Variants in LOC112694756 observed in about 807,000 individuals in gnomAD.
the LOC112694756 span, chr16:30,054,540 A>C: frequency 5.9e-6 from 2 of 340,320 alleles, no homozygotes; most frequent in East Asian, 8.8e-5. Flanking sequence ...GGCATTCCAG[A>C]AGGAAAATCA....
At chr16:30,055,450 G>A in the LOC112694756 span, 5 of 397,836 alleles carry the variant, frequency 1.3e-5, no homozygotes, top group Non-Finnish European at 2.2e-5. Context: ...CGGTTCCAGG[G>A]CATGAATCAT....
the LOC112694756 span, among the ~76,000 whole-genome samples, chr16:30,059,313 C>T: frequency 6.6e-6 from 1 of 151,674 alleles, no homozygotes; most frequent in Non-Finnish European, 1.5e-5. Flanking sequence ...CTGGCTAACA[C>T]GGTAAAACCC....
the LOC112694756 span, chr16:30,054,946 G>A: frequency 0.016 from 6,505 of 399,038 alleles, 527 homozygotes; most frequent in East Asian, 0.17. Flanking sequence ...TCTGGTCGGG[G>A]ATAAAGGGTG....
chr16:30,063,531 C>A, the LOC112694756 span, among the ~76,000 whole-genome samples: 1 of 152,258 alleles, frequency 6.6e-6, no homozygotes, highest in East Asian at 1.9e-4. Context: ...AGCTTCTGAA[C>A]TCAGTTGTTC....
chr16:30,060,812 C>T, the LOC112694756 span, among the ~76,000 whole-genome samples: 2 of 152,280 alleles, frequency 1.3e-5, no homozygotes, highest in Non-Finnish European at 2.9e-5. Flanking sequence ...CCCCCTTCCA[C>T]CATGACGGTT....
the LOC112694756 span, chr16:30,067,668 G>A: frequency 6.2e-7 from 1 of 1,614,082 alleles, no homozygotes; most frequent in Non-Finnish European, 8.5e-7. Flanking sequence ...CAAGGTAAGG[G>A]GAGGGCCTCC....
the LOC112694756 span, chr16:30,053,352 C>T: frequency 2.0e-5 from 3 of 152,836 alleles, no homozygotes; most frequent in Non-Finnish European, 2.9e-5. Context: ...CGAATTCCAC[C>T]CTCCGGCCCA....
chr16:30,069,585 C>T, the LOC112694756 span: 1 of 1,614,104 alleles, frequency 6.2e-7, no homozygotes, highest in Non-Finnish European at 8.5e-7. Flanking sequence ...TCACCCCAGG[C>T]CATGCTTGCA....
the LOC112694756 span, among the ~76,000 whole-genome samples, chr16:30,065,184 C>A: frequency 2.0e-5 from 3 of 152,226 alleles, no homozygotes; most frequent in Non-Finnish European, 2.9e-5. Context: ...CGCCTTCTCG[C>A]GCTCCCTGCG....
At chr16:30,054,183 C>T in the LOC112694756 span, among the ~76,000 whole-genome samples, 1 of 151,922 alleles carries the variant, frequency 6.6e-6, no homozygotes, top group South Asian at 2.1e-4. Flanking sequence ...AGCTGGGCGT[C>T]GTGGCGCGCA....
the LOC112694756 span, chr16:30,069,676 G>A: frequency 6.2e-7 from 1 of 1,613,424 alleles, no homozygotes; most frequent in African/African-American, 1.3e-5. Context: ...TGTCACTGGT[G>A]AGGCCCACAC....
At chr16:30,059,824 A>G in the LOC112694756 span, among the ~76,000 whole-genome samples, 1 of 151,536 alleles carries the variant, frequency 6.6e-6, no homozygotes, top group African/African-American at 2.4e-5. Context: ...TGGCCTCCCA[A>G]AGTGCTGCGA....
the LOC112694756 span, among the ~76,000 whole-genome samples, chr16:30,056,067 C>T: frequency 2.1e-5 from 3 of 140,682 alleles, no homozygotes; most frequent in African/African-American, 8.0e-5. Flanking sequence ...GCCCAACGTG[C>T]TGGGATTACA....
At chr16:30,069,487 G>C in the LOC112694756 span, 28 of 1,613,964 alleles carry the variant, frequency 1.7e-5, no homozygotes, top group African/African-American at 2.7e-5. Flanking sequence ...CCGTGCGCCT[G>C]CTCTGCTCCA....
chr16:30,069,206 T>TG, the LOC112694756 span: 1 of 1,434,504 alleles, frequency 7.0e-7, no homozygotes, highest in Non-Finnish European at 9.8e-7. Flanking sequence ...CCTGAGTCCC[T>TG]GGCATCATCA....
At chr16:30,062,240 A>G in the LOC112694756 span, among the ~76,000 whole-genome samples, 1 of 151,320 alleles carries the variant, frequency 6.6e-6, no homozygotes, top group Non-Finnish European at 1.5e-5. Context: ...TTCTTTTGAA[A>G]ACATTAAAAT....
chr16:30,068,165 C>T, the LOC112694756 span: 2,619 of 278,038 alleles, frequency 9.4e-3, 71 homozygotes, highest in African/African-American at 0.055. Flanking sequence ...CCCAGGTTCA[C>T]GCCATTCTCC....
At chr16:30,068,508 C>CG in the LOC112694756 span, 1 of 954,684 alleles carries the variant, frequency 1.0e-6, no homozygotes. Flanking sequence ...GAGGCTGAGG[C>CG]GGGAGGATCA....
At chr16:30,070,344 G>A in the LOC112694756 span, 10 of 802,358 alleles carry the variant, frequency 1.2e-5, 1 homozygote, top group South Asian at 1.2e-4. Context: ...GTGGTGTGTG[G>A]TGTCGTCTGT....
Sources: allele counts gnomAD v4.1 joint callset (sites outside exome capture counted in the v4.1 genomes callset), GRCh38; gene constraint gnomAD v4.1.1; transcripts MANE v1.5.